The following STK32B variants were observed in gnomAD, a reference collection of about 807,000 sequenced individuals.
STK32B encodes the protein serine/threonine kinase 32B, also known as serine/threonine-protein kinase 32B.
STK32B carries 43 observed loss-of-function variants against 52.6 expected under a neutral mutation model. The ratio of observed to expected loss-of-function variants is 0.82; its 90% CI spans 0.64 to 1.05. The LOEUF is 1.05. Ranked by LOEUF, STK32B falls within the 50% of genes least tolerant of loss-of-function variation. The pLI is 0.00. For synonymous variants in STK32B, 238 were observed against 204.3 expected (o/e 1.17, Z -1.41); for missense variants, 621 against 534.6 (o/e 1.16, Z -1.59).
intron 3 of STK32B, among the ~76,000 whole-genome samples, chr4:5,193,129 G>T (rs1721358769): frequency 6.6e-6 from 1 of 152,112 alleles, no homozygotes; most frequent in Admixed American, 6.5e-5. Context: ...AGAGAGTAGG[G>T]TGACGAGGTG....
rs1735850695 is a variant in STK32B, at chr4:5,380,183, A to T, written c.435-18024A>T. 6.6e-6 allele frequency among the ~76,000 whole-genome samples: 1 copy of T among 152,116 alleles called. No individual in the cohort carries two copies. Among genetic ancestry groups the T allele is most frequent in the Admixed American group, 6.6e-5 (1 of 15,266 alleles). On this transcript the variant is annotated intron_variant, in intron 4 of 11. Coordinates refer to ENST00000282908, the MANE Select transcript of STK32B (RefSeq NM_018401.3). This position sits in a 1 kb window ranked among gnomAD's most constrained non-coding sequence, Gnocchi z 4.3. ...CAGACCCATCCTGCAGCTGGCTGTAAGCTATTTCATTATCTCTTCACTTAG... is the reference window on the plus strand; with the variant it reads ...CAGACCCATCCTGCAGCTGGCTGTATGCTATTTCATTATCTCTTCACTTAG...
intron 4 of STK32B, 65 bp downstream of exon 4, chr4:5,331,458 C>T: frequency 2.0e-6 from 3 of 1,527,278 alleles, no homozygotes; most frequent in Non-Finnish European, 2.7e-6. Flanking sequence ...CAGGAGCAGT[C>T]TGCAGTAGTG....
intron 2 of STK32B, among the ~76,000 whole-genome samples, chr4:5,141,966 C>T (rs1024497579): frequency 3.3e-5 from 5 of 152,162 alleles, no homozygotes; most frequent in African/African-American, 1.2e-4. Context: ...CTGGAACCTC[C>T]CCAACCAACC....
intron 3 of STK32B, among the ~76,000 whole-genome samples, chr4:5,250,850 G>A (rs528425516): frequency 6.6e-5 from 10 of 152,170 alleles, no homozygotes; most frequent in South Asian, 4.1e-4. Flanking sequence ...CTTGTTGGTC[G>A]TGTGTATGTC....
chr4:5,332,158 A>G (rs1314131585), intron 4 of STK32B, among the ~76,000 whole-genome samples: 1 of 152,224 alleles, frequency 6.6e-6, no homozygotes, highest in East Asian at 1.9e-4. Flanking sequence ...CAGATTAAGC[A>G]TATACGTCTA....
chr4:5,224,282 T>C (rs929270459), intron 3 of STK32B, among the ~76,000 whole-genome samples: 1 of 152,184 alleles, frequency 6.6e-6, no homozygotes, highest in African/African-American at 2.4e-5. Context: ...TATTAAGAGG[T>C]GATTAAGGGC....
At chr4:5,292,183 C>G (rs151098299) in intron 3 of STK32B, among the ~76,000 whole-genome samples, 3 of 152,112 alleles carry the variant, frequency 2.0e-5, no homozygotes, top group African/African-American at 7.2e-5. Flanking sequence ...CTGGACCACA[C>G]AGTAATTCTA....
At position 5,331,439 on chromosome 4, in the gene STK32B, C is replaced by G. The variant is rs554280225; in HGVS notation, c.434+46C>G. 1.9e-6 allele frequency: 3 copies of G among 1,567,168 alleles called. No homozygotes were observed. The African/African-American group carries it at 4.1e-5, about 21-fold the overall frequency. ...ATGCCTGGGACAGAGGGACCATGGGCTAGGGTGTCAGGAGCAGTCTGCAGT... is the reference window on the plus strand; with the variant it reads ...ATGCCTGGGACAGAGGGACCATGGGGTAGGGTGTCAGGAGCAGTCTGCAGT... On this transcript the variant is annotated intron_variant, in intron 4 of 11. Transcript: ENST00000282908.
At chr4:5,232,402 G>A (rs141559459) in intron 3 of STK32B, among the ~76,000 whole-genome samples, 301 of 152,258 alleles carry the variant, frequency 2.0e-3, no homozygotes, top group Non-Finnish European at 3.5e-3. Flanking sequence ...CAACTCTACC[G>A]AATCACAGAC....
chr4:5,049,343 G>A (rs1182321755), upstream of STK32B, among the ~76,000 whole-genome samples: 1 of 152,040 alleles, frequency 6.6e-6, no homozygotes, highest in Non-Finnish European at 1.5e-5. Flanking sequence ...ATTACAGGTG[G>A]GTGACATTTC....
chr4:5,126,791 CA>C (rs772534683), intron 1 of STK32B, among the ~76,000 whole-genome samples: 6 of 152,288 alleles, frequency 3.9e-5, no homozygotes, highest in East Asian at 1.9e-4. Context: ...ATTCGACGGG[CA>C]GCTCTGTAAT....
intron 4 of STK32B, among the ~76,000 whole-genome samples, chr4:5,372,829 A>T (rs1164880810): frequency 6.6e-6 from 1 of 151,870 alleles, no homozygotes; most frequent in Non-Finnish European, 1.5e-5. Flanking sequence ...ATTTTATGCT[A>T]TGGAGCATGA....
intron 4 of STK32B, among the ~76,000 whole-genome samples, chr4:5,341,741 C>T (rs1733095562): frequency 2.0e-5 from 3 of 152,140 alleles, no homozygotes; most frequent in Admixed American, 2.0e-4. Flanking sequence ...ATCTGTTCGG[C>T]TTCTGGGGAG....
chr4:5,106,734 CTT>C (rs774997129), intron 1 of STK32B, among the ~76,000 whole-genome samples: 1 of 152,122 alleles, frequency 6.6e-6, no homozygotes, highest in Non-Finnish European at 1.5e-5. Flanking sequence ...AGTTGTCTCT[CTT>C]TAAATATTGC....
At chr4:5,224,035 T>C (rs929386578) in intron 3 of STK32B, among the ~76,000 whole-genome samples, 44 of 152,198 alleles carry the variant, frequency 2.9e-4, no homozygotes, top group Non-Finnish European at 4.6e-4. Flanking sequence ...GAGAATTTGC[T>C]TCAGAGTAAA....
chr4:5,388,761 A>G (rs1211183244), intron 4 of STK32B, among the ~76,000 whole-genome samples: 1 of 152,240 alleles, frequency 6.6e-6, no homozygotes, highest in Non-Finnish European at 1.5e-5. Context: ...TCATTGGGCC[A>G]AGGGAGGGAT....
the STK32B span, among the ~76,000 whole-genome samples, chr4:5,021,461 G>C: frequency 1.8e-4 from 27 of 152,304 alleles, no homozygotes; most frequent in African/African-American, 6.5e-4. Context: ...AGTGCCTGGG[G>C]CATGGGCCTC....
At chr4:5,346,093 C>CT (rs1399558810) in intron 4 of STK32B, among the ~76,000 whole-genome samples, 1 of 152,178 alleles carries the variant, frequency 6.6e-6, no homozygotes, top group Non-Finnish European at 1.5e-5. Flanking sequence ...GGCAAACTAT[C>CT]TTAACTCCTG....
At chr4:5,230,463 T>C (rs1205701495) in intron 3 of STK32B, among the ~76,000 whole-genome samples, 1 of 152,104 alleles carries the variant, frequency 6.6e-6, no homozygotes, top group African/African-American at 2.4e-5. Context: ...GTGCTGGCAT[T>C]ACAGATGTGA....
Sources: allele counts gnomAD v4.1 joint callset (sites outside exome capture counted in the v4.1 genomes callset), GRCh38; gene constraint gnomAD v4.1.1; non-coding constraint Gnocchi (gnomAD v3.1); transcripts MANE v1.5; gene names NCBI Gene and HGNC (gene_info 2026-07-23, HGNC 2026-07-21).